Variants in FGF14 observed in about 807,000 individuals in gnomAD.
The protein encoded by FGF14 is fibroblast growth factor homologous factor 4.
A neutral mutation model predicts 25.5 loss-of-function variants in FGF14; 5 were observed. The ratio of observed to expected loss-of-function variants is 0.20; its 90% CI spans 0.10 to 0.41. The LOEUF is 0.41. Among genes scored for constraint, FGF14 ranks in the 10% least tolerant of loss-of-function variants. FGF14 has a pLI of 1.00. For synonymous variants in FGF14, 138 were observed against 118.3 expected, an observed-to-expected ratio of 1.17 and a Z score of -1.08; for missense variants, 222 against 320.1, an observed-to-expected ratio of 0.69 and a Z score of 2.34.
chr13:102,255,621 G>A (rs1472242350), intron 1 of FGF14, among the ~76,000 whole-genome samples: 4 of 152,188 alleles, frequency 2.6e-5, no homozygotes. Flanking sequence ...AGATTACAAA[G>A]TAATGTAATT....
intron 1 of FGF14, among the ~76,000 whole-genome samples, chr13:102,028,934 T>G (rs544231662): frequency 1.3e-5 from 2 of 152,160 alleles, no homozygotes; most frequent in Non-Finnish European, 2.9e-5. Context: ...AGAATGTGCC[T>G]TTTCTCTCCA....
chr13:102,117,387 T>C (rs1050600321), intron 1 of FGF14, among the ~76,000 whole-genome samples: 5 of 152,200 alleles, frequency 3.3e-5, no homozygotes, highest in Non-Finnish European at 7.3e-5. Context: ...CAAACTTCTT[T>C]GTGGTTCTAA....
In FGF14 at chr13:101,960,002, T is replaced by G. The variant is rs566589871; in HGVS notation, c.209-84706A>C. Among the ~76,000 whole-genome samples, 15 of 152,356 alleles carry G rather than the reference T, an allele frequency of 9.8e-5. No homozygotes were observed. The South Asian group carries it at 2.1e-3, about 21-fold the overall frequency. ...TAATCTCAGCTTAACCATTTAAAGC[T>G]TTTCATCTATGTTATAGTAACGAAC... is the stretch of plus-strand genomic sequence containing the variant. On this transcript the variant is annotated intron_variant, in intron 1 of 4. Coordinates refer to the FGF14 transcript ENST00000376131.
chr13:101,953,738 G>A (rs144966520), intron 1 of FGF14, among the ~76,000 whole-genome samples: 305 of 151,658 alleles, frequency 2.0e-3, no homozygotes, highest in Admixed American at 3.0e-3. Context: ...TTACAGGCAC[G>A]TGCCAACACG....
intron 1 of FGF14, among the ~76,000 whole-genome samples, chr13:102,389,917 G>A (rs2058393141): frequency 6.6e-6 from 1 of 152,176 alleles, no homozygotes; most frequent in Admixed American, 6.5e-5. Flanking sequence ...TCATGTAACT[G>A]CAGCAGACTA....
intron 1 of FGF14, among the ~76,000 whole-genome samples, chr13:102,283,315 A>G (rs952790768): frequency 2.0e-5 from 3 of 152,230 alleles, no homozygotes; most frequent in African/African-American, 7.2e-5. Flanking sequence ...TCTTATGCTC[A>G]GCTGAAACCT....
intron 1 of FGF14, among the ~76,000 whole-genome samples, chr13:102,283,406 C>A (rs1489594154): frequency 2.0e-5 from 3 of 152,074 alleles, no homozygotes; most frequent in African/African-American, 7.2e-5. Context: ...GGTCCAGAAC[C>A]CCTTCTGGTA....
intron 1 of FGF14, among the ~76,000 whole-genome samples, chr13:102,265,551 G>C (rs2052947329): frequency 6.6e-6 from 1 of 152,038 alleles, no homozygotes; most frequent in Admixed American, 6.6e-5. Context: ...TGTAAATATT[G>C]ACTGTACCTG....
chr13:102,082,302 T>C (rs552930416), intron 1 of FGF14, among the ~76,000 whole-genome samples: 1 of 150,894 alleles, frequency 6.6e-6, no homozygotes, highest in South Asian at 2.1e-4. Flanking sequence ...AACTATTCCT[T>C]AGCATTATAA....
intron 3 of FGF14, among the ~76,000 whole-genome samples, chr13:101,796,454 G>C (rs1415359875): frequency 6.6e-6 from 1 of 151,808 alleles, no homozygotes; most frequent in African/African-American, 2.4e-5. Context: ...TGTTTTTGTG[G>C]CCTCTTACCA....
At chr13:102,397,240 T>C (rs2058606297) in intron 1 of FGF14, among the ~76,000 whole-genome samples, 1 of 152,056 alleles carries the variant, frequency 6.6e-6, no homozygotes, top group South Asian at 2.1e-4. Context: ...TAAAAAAACG[T>C]ATATTTAAAT....
intron 1 of FGF14, among the ~76,000 whole-genome samples, chr13:101,925,394 TC>T (rs1183342854): frequency 6.6e-6 from 1 of 152,150 alleles, no homozygotes; most frequent in Non-Finnish European, 1.5e-5. Flanking sequence ...CCAAAAACTC[TC>T]TACAACTAAG....
At chr13:102,115,299 C>T (rs1489022465) in intron 1 of FGF14, among the ~76,000 whole-genome samples, 1 of 152,160 alleles carries the variant, frequency 6.6e-6, no homozygotes, top group Non-Finnish European at 1.5e-5. Flanking sequence ...TCTGTGCTTA[C>T]AACAGGAAGG....
At position 102,175,249 on chromosome 13, in the gene FGF14, T is replaced by C. The variant is rs558381789; in HGVS notation, c.208+226222A>G. Among the ~76,000 whole-genome samples, 19 of 152,222 alleles carry C rather than the reference T, an allele frequency of 1.2e-4. No individual in the cohort carries two copies. In the South Asian group the frequency reaches 3.9e-3, roughly 32 times the overall value. On this transcript the variant is annotated intron_variant, in intron 1 of 4. Transcript: ENST00000376131. Reference sequence around the variant, plus strand: ...ATGGTACTGGTACAAAATAGACACATAGATCAGTGGATCAGAATAGAGAAC... The same window carrying C: ...ATGGTACTGGTACAAAATAGACACACAGATCAGTGGATCAGAATAGAGAAC...
intron 1 of FGF14, among the ~76,000 whole-genome samples, chr13:101,940,145 T>G (rs766731741): frequency 3.9e-5 from 6 of 152,236 alleles, no homozygotes; most frequent in African/African-American, 1.4e-4. Flanking sequence ...AAATCCCTAG[T>G]TGTATCCATG....
chr13:102,228,575 C>T (rs1003777048), intron 1 of FGF14, among the ~76,000 whole-genome samples: 2 of 152,202 alleles, frequency 1.3e-5, no homozygotes, highest in Non-Finnish European at 2.9e-5. Flanking sequence ...TCTGTACTCA[C>T]TGATCCTTTC....
intron 3 of FGF14, among the ~76,000 whole-genome samples, chr13:101,867,930 A>ACG (rs1407105098): frequency 3.1e-5 from 4 of 130,122 alleles, no homozygotes; most frequent in Non-Finnish European, 5.0e-5. Context: ...ACACACACAC[A>ACG]CACACGCGCA....
intron 1 of FGF14, among the ~76,000 whole-genome samples, chr13:101,978,999 C>T (rs73569545): frequency 0.018 from 2,689 of 152,182 alleles, 88 homozygotes; most frequent in African/African-American, 0.061. Flanking sequence ...CAGCCATGGG[C>T]GAATCAGACA....
At chr13:102,126,329 A>G (rs1427301887) in intron 1 of FGF14, among the ~76,000 whole-genome samples, 2 of 152,120 alleles carry the variant, frequency 1.3e-5, no homozygotes, top group Non-Finnish European at 2.9e-5. Context: ...TATGTGTCCT[A>G]TTGTGTCTGG....
Sources: gnomAD v4.1 joint callset for allele counts (sites outside exome capture counted in the v4.1 genomes callset) on GRCh38, gnomAD v4.1.1 for gene constraint, MANE v1.5 for transcripts, NCBI Gene and HGNC (gene_info 2026-07-23, HGNC 2026-07-21) for gene names.